The following SPAG16 variants were observed in gnomAD, a reference collection of about 807,000 sequenced individuals.
The protein encoded by SPAG16 is sperm associated antigen 16, also known as sperm-associated antigen 16 protein.
A neutral mutation model predicts 80.4 loss-of-function variants in SPAG16; 86 were observed. That is an observed-to-expected ratio of 1.07 (90% CI 0.90 to 1.28). The LOEUF is 1.28. Among genes scored for constraint, SPAG16 ranks in the 50% most tolerant of loss-of-function variants. The pLI is 0.00. For missense variants in SPAG16, 870 were observed against 765.3 expected, an observed-to-expected ratio of 1.14 and a Z score of -1.61; for synonymous variants, 294 against 265.9, an observed-to-expected ratio of 1.11 and a Z score of -1.03.
intron 10 of SPAG16, among the ~76,000 whole-genome samples, chr2:213,633,716 C>T (rs559101586): frequency 6.6e-6 from 1 of 152,216 alleles, no homozygotes; most frequent in South Asian, 2.1e-4. Flanking sequence ...CTGTTGGGTG[C>T]ATATATATTT....
At chr2:213,435,594 A>G (rs1251417938) in intron 9 of SPAG16, among the ~76,000 whole-genome samples, 1 of 152,204 alleles carries the variant, frequency 6.6e-6, no homozygotes, top group African/African-American at 2.4e-5. Context: ...GTTAATATTT[A>G]AAAAGCAAAG....
intron 10 of SPAG16, among the ~76,000 whole-genome samples, chr2:213,662,767 A>G (rs1006927011): frequency 6.6e-6 from 1 of 152,130 alleles, no homozygotes; most frequent in Non-Finnish European, 1.5e-5. Flanking sequence ...TTAACAAAAT[A>G]TAATAAATAT....
At chr2:214,173,077 G>T (rs1351777383) in intron 15 of SPAG16, among the ~76,000 whole-genome samples, 1 of 151,754 alleles carries the variant, frequency 6.6e-6, no homozygotes. Flanking sequence ...AGTTTCTTTT[G>T]CTGTGCAGAA....
intron 10 of SPAG16, among the ~76,000 whole-genome samples, chr2:213,829,760 G>T (rs1030909585): frequency 1.3e-5 from 2 of 152,098 alleles, no homozygotes; most frequent in Non-Finnish European, 2.9e-5. Context: ...AAGGCAGCAG[G>T]TTCCCTTCTG....
At chr2:213,998,808 T>C (rs1166886208) in intron 12 of SPAG16, among the ~76,000 whole-genome samples, 2 of 152,064 alleles carry the variant, frequency 1.3e-5, no homozygotes, top group Non-Finnish European at 2.9e-5. Context: ...TTGTTGGAAA[T>C]TGGAGAAAGG....
At chr2:214,166,531 T>C (rs2056663188) in intron 15 of SPAG16, among the ~76,000 whole-genome samples, 1 of 152,216 alleles carries the variant, frequency 6.6e-6, no homozygotes, top group Non-Finnish European at 1.5e-5. Context: ...CCATTTTCTC[T>C]CCTCAAGCCT....
intron 15 of SPAG16, among the ~76,000 whole-genome samples, chr2:214,342,661 A>G (rs1479721888): frequency 6.6e-6 from 1 of 152,262 alleles, no homozygotes; most frequent in African/African-American, 2.4e-5. Flanking sequence ...AATAGAGTGC[A>G]TAATAAATGT....
intron 10 of SPAG16, among the ~76,000 whole-genome samples, chr2:213,600,603 C>T (rs1396176827): frequency 2.0e-5 from 3 of 152,126 alleles, no homozygotes; most frequent in Non-Finnish European, 4.4e-5. Flanking sequence ...TTTCTCCATC[C>T]AATTTATGCT....
chr2:213,884,406 C>T (rs1309209358), intron 11 of SPAG16, among the ~76,000 whole-genome samples: 2 of 152,026 alleles, frequency 1.3e-5, no homozygotes, highest in African/African-American at 2.4e-5. Flanking sequence ...TGATTTGACC[C>T]TTCTCTCTAG....
At chr2:214,348,801 A>G (rs990869713) in intron 15 of SPAG16, among the ~76,000 whole-genome samples, 3 of 152,216 alleles carry the variant, frequency 2.0e-5, no homozygotes, top group African/African-American at 7.2e-5. Context: ...CAAATTGCTG[A>G]CCAACAATAT....
chr2:214,283,258 C>T (rs1436913908), intron 15 of SPAG16, among the ~76,000 whole-genome samples: 3 of 152,058 alleles, frequency 2.0e-5, no homozygotes, highest in Non-Finnish European at 4.4e-5. Context: ...CGTGTGTGAA[C>T]CAGTCTTCTT....
intron 10 of SPAG16, among the ~76,000 whole-genome samples, chr2:213,524,835 A>G (rs1325900917): frequency 6.6e-6 from 1 of 152,216 alleles, no homozygotes; most frequent in Non-Finnish European, 1.5e-5. Context: ...TTGTCTAAGA[A>G]GAGACTTTGG....
chr2:213,534,409 C>T lies in SPAG16; in HGVS notation c.1070+44319C>T, dbSNP rs539244625. On this transcript the variant is annotated intron_variant, in intron 10 of 15. Coordinates refer to ENST00000331683, the MANE Select transcript of SPAG16 (RefSeq NM_024532.5). ...AAGTATATACCCCAATAATTGAAAA[C>T]ATATGCCCACAAAAGACTTATACAA... is the stretch of plus-strand genomic sequence containing the variant. 3.9e-5 allele frequency among the ~76,000 whole-genome samples: 6 copies of T among 152,194 alleles called. No homozygotes were observed. The East Asian group carries it at 1.2e-3, about 29-fold the overall frequency.
intron 12 of SPAG16, among the ~76,000 whole-genome samples, chr2:213,932,949 AACACACACACACACACACAC>A (rs3076792): frequency 2.8e-5 from 4 of 143,944 alleles, no homozygotes; most frequent in Non-Finnish European, 6.0e-5. Flanking sequence ...GTTGTTTGAA[AACACACACACACACACACAC>A]ACACACACAC....
intron 15 of SPAG16, chr2:214,250,107 TA>T (rs1690140822): frequency 6.6e-6 from 1 of 152,162 alleles, no homozygotes; most frequent in Non-Finnish European, 1.5e-5. Context: ...GACCAGCAAT[TA>T]CATATCAGTT....
At chr2:213,926,573 C>T (rs2078488907) in intron 11 of SPAG16, among the ~76,000 whole-genome samples, 1 of 151,964 alleles carries the variant, frequency 6.6e-6, no homozygotes, top group East Asian at 1.9e-4. Context: ...TTTAACCCAT[C>T]CATTGATTTC....
intron 8 of SPAG16, among the ~76,000 whole-genome samples, chr2:213,373,181 A>C (rs564633519): frequency 1.3e-5 from 2 of 152,298 alleles, no homozygotes; most frequent in East Asian, 3.9e-4. Flanking sequence ...CTTTGCTGGG[A>C]TATTACTCAA....
chr2:214,079,653 C>T (rs913495260), intron 13 of SPAG16, among the ~76,000 whole-genome samples: 5 of 152,130 alleles, frequency 3.3e-5, no homozygotes, highest in Non-Finnish European at 5.9e-5. Context: ...AAGAAGTTTT[C>T]TACCGGCAAG....
intron 12 of SPAG16, among the ~76,000 whole-genome samples, chr2:213,985,866 G>A (rs1467319225): frequency 1.3e-5 from 2 of 152,070 alleles, no homozygotes; most frequent in Non-Finnish European, 2.9e-5. Flanking sequence ...AAAGAGCAGA[G>A]TTATGCAAGG....
Sources: gnomAD v4.1 joint callset for allele counts (sites outside exome capture counted in the v4.1 genomes callset) on GRCh38, gnomAD v4.1.1 for gene constraint, MANE v1.5 for transcripts, NCBI Gene and HGNC (gene_info 2026-07-23, HGNC 2026-07-21) for gene names.